The following CHRNB2 variants were observed in gnomAD, a reference collection of about 807,000 sequenced individuals.
CHRNB2 encodes cholinergic receptor nicotinic beta 2 subunit.
In CHRNB2, 33 loss-of-function variants were observed where a neutral mutation model predicts 42.7. That is an observed-to-expected ratio of 0.77 (90% CI 0.59 to 1.03). The LOEUF is 1.03. Among genes scored for constraint, CHRNB2 ranks in the 50% least tolerant of loss-of-function variants. The pLI is 0.00. For missense variants in CHRNB2, 603 were observed against 700.9 expected (o/e 0.86, Z 1.58); for synonymous variants, 325 against 292.9 (o/e 1.11, Z -1.12).
In CHRNB2 at chr1:154,571,486, C is replaced by T. The variant is rs765825095; in HGVS notation, c.663C>T (p.Tyr221=). 1.9e-6 allele frequency: 3 copies of T among 1,614,068 alleles called. No individual in the cohort carries two copies. Among genetic ancestry groups the T allele is most frequent in the Admixed American group, 1.7e-5 (1 of 60,030 alleles). The change falls in exon 5 of 6, where the codon TAC becomes TAT. Residue 221 remains tyrosine (Y), a synonymous_variant. Transcript: ENST00000368476. This position sits in a 1 kb window ranked among gnomAD's most constrained non-coding sequence, Gnocchi z 6.8. ...ACGAGAACCCCGACGACTCTACGTA[C>T]GTGGACATCACGTATGACTTCATCA... ...RRNENPDDST[Y]VDITYDFIIR...
chr1:154,575,950 A>C lies in CHRNB2; in HGVS notation c.*18A>C. 6.2e-7 allele frequency: 1 copy of C among 1,613,704 alleles called. No homozygotes were observed. Among genetic ancestry groups the C allele is most frequent in the South Asian group, 1.1e-5 (1 of 91,074 alleles). ...CCAAGTGAGGCCCTTCCTCATCTCC[A>C]TGCTCTTTCACCCTGCCACCCTCTG... is the stretch of plus-strand genomic sequence containing the variant. On this transcript the variant is annotated 3_prime_UTR_variant, in exon 6 of 6. Coordinates refer to ENST00000368476, the MANE Select transcript of CHRNB2 (RefSeq NM_000748.3).
At position 154,575,798 on chromosome 1, in the gene CHRNB2, G is replaced by A. The variant is rs140505576; in HGVS notation, c.1375G>A (p.Asp459Asn). 9.3e-6 allele frequency: 15 copies of A among 1,613,942 alleles called. No individual in the cohort carries two copies. Among genetic ancestry groups the A allele is most frequent in the African/African-American group, 5.3e-5 (4 of 74,870 alleles). ...EDWKYVAMVI[D>N]RLFLWIFVFV... ...CTGGAAGTACGTCGCCATGGTGATCGACCGCCTCTTCCTCTGGATCTTTGT... is the reference window on the plus strand; with the variant it reads ...CTGGAAGTACGTCGCCATGGTGATCAACCGCCTCTTCCTCTGGATCTTTGT... The change falls in exon 6 of 6, where the codon GAC becomes AAC. Residue 459 changes from aspartate (D) to asparagine (N), a missense_variant. This residue lies in a region of CHRNB2 where 270 missense variants were observed against 248.3 expected (regional missense o/e 1.09). Coordinates refer to ENST00000368476, the MANE Select transcript of CHRNB2 (RefSeq NM_000748.3).
rs1164999292 is a variant in CHRNB2 at position 154,568,111 on chromosome 1, A to G, written c.64+3A>G. On this transcript the variant is annotated splice_donor_region_variant and intron_variant, in intron 1 of 5. Transcript: ENST00000368476. ...CGGCCTCCTCCGGCTGTGCTCAGGT[A>G]AGGGAAAGACGGGCACTGGCCAGGT... 11 of 1,600,722 alleles carry G rather than the reference A, an allele frequency of 6.9e-6. No individual in the cohort carries two copies. The East Asian group carries it at 2.5e-4, about 36-fold the overall frequency.
rs753331644 is a variant in CHRNB2 at position 154,571,233 on chromosome 1, T to G, written c.410T>G (p.Val137Gly). ...GTGTCCTTCTATTCCAATGCCGTGGTCTCCTATGATGGCAGCATCTTCTGG... is the reference window on the plus strand; with the variant it reads ...GTGTCCTTCTATTCCAATGCCGTGGGCTCCTATGATGGCAGCATCTTCTGG... The part of the protein sequence containing the change: ...YEVSFYSNAV[V>G]SYDGSIFWLP... Residue 137 changes from valine to glycine, a missense_variant, in exon 5 of 6, where the codon GTC becomes GGC. Val to Gly is a moderately radical substitution (Grantham distance 109). Around this residue, in one of 2 missense-constraint regions of CHRNB2, gnomAD observed 333 missense variants for 452.6 expected, o/e 0.74. Coordinates refer to ENST00000368476, the MANE Select transcript of CHRNB2 (RefSeq NM_000748.3). The surrounding 1 kb of genome is among the most constrained non-coding windows in gnomAD (Gnocchi z 6.8). The G allele has an allele frequency of 6.2e-7, 1 of 1,614,140 alleles. No individual in the cohort carries two copies. Among genetic ancestry groups the G allele is most frequent in the Non-Finnish European group, 8.5e-7 (1 of 1,180,032 alleles).
rs959229019 is a variant in CHRNB2, at chr1:154,577,950, G to A, written c.*2018G>A. 1 of 152,250 alleles carries A rather than the reference G, an allele frequency of 6.6e-6. No individual in the cohort carries two copies. The highest frequency in any genetic ancestry group is 2.4e-5 in the African/African-American group (1 of 41,438). 9.4% of individuals were successfully genotyped at this position (152,250 alleles called of 1,614,324 possible). On this transcript the variant is annotated 3_prime_UTR_variant, in exon 6 of 6. Transcript: ENST00000368476. ...TACTGGCTGTGGAAGCCTATCACTG[G>A]GACAGGAAGCCAGTGGCTGCAGGAG...
intron 4 of CHRNB2, 143 bp downstream of exon 4, chr1:154,570,510 C>T (rs1696142831): frequency 6.0e-6 from 4 of 666,876 alleles, no homozygotes; most frequent in Non-Finnish European, 8.1e-6. Flanking sequence ...ACAGACAGAC[C>T]CAGACCAGTG....
chr1:154,567,981 G>A lies in CHRNB2; in HGVS notation c.-64G>A, dbSNP rs1348133941. 6 of 1,426,502 alleles carry A rather than the reference G, an allele frequency of 4.2e-6. No individual in the cohort carries two copies. In the Admixed American group the frequency reaches 1.7e-4, roughly 39 times the overall value. The allele number at this position is 1,426,502 out of a possible 1,614,324, so 88.4% of individuals were successfully genotyped here. A position where few individuals can be genotyped will look rare whatever the true frequency, so the allele number is the denominator to read the frequency against. On this transcript the variant is annotated 5_prime_UTR_variant, in exon 1 of 6. Coordinates refer to ENST00000368476, the MANE Select transcript of CHRNB2 (RefSeq NM_000748.3). ...CAGCACCACGGACAGCGCCCCACCC[G>A]CGGCCCTCCCCCCGGCGGCGCGCTC...
rs1023981720 is a variant in CHRNB2 at position 154,572,215 on chromosome 1, C to T, written c.1338+54C>T. On this transcript the variant is annotated intron_variant, in intron 5 of 5. Coordinates refer to ENST00000368476, the MANE Select transcript of CHRNB2 (RefSeq NM_000748.3). Reference sequence around the variant, plus strand: ...GTGAGATATGGGGTCTGCCAGGGCCCGGGTATCTGGAAAGCAGCGGCGTTC... The same window carrying T: ...GTGAGATATGGGGTCTGCCAGGGCCTGGGTATCTGGAAAGCAGCGGCGTTC... The T allele has an allele frequency of 1.1e-5, 17 of 1,532,786 alleles. No individual in the cohort carries two copies. The African/African-American group carries it at 1.4e-4, about 12-fold the overall frequency. The allele number at this position is 1,532,786 out of a possible 1,614,324, so 94.9% of individuals were successfully genotyped here. A position where few individuals can be genotyped will look rare whatever the true frequency, so the allele number is the denominator to read the frequency against.
rs1696186268 is a variant in CHRNB2, at chr1:154,572,170, C to T, written c.1338+9C>T. ...AGGACGATGACCAGAGCGTGAGTGC[C>T]GCAGGCTGGGACCCCGGGCGTGAGA... On this transcript the variant is annotated intron_variant, in intron 5 of 5. Transcript: ENST00000368476. The T allele has an allele frequency of 2.0e-6, 3 of 1,536,376 alleles. No homozygotes were observed. The highest frequency in any genetic ancestry group is 2.0e-5 in the Admixed American group (1 of 50,908).
In CHRNB2 at chr1:154,571,764, C is replaced by T; in HGVS notation, c.941C>T (p.Thr314Ile). The T allele has an allele frequency of 6.2e-7, 1 of 1,614,208 alleles. No individual in the cohort carries two copies. The highest frequency in any genetic ancestry group is 8.5e-7 in the Non-Finnish European group (1 of 1,180,038). The change falls in exon 5 of 6, where the codon ACC becomes ATC. Residue 314 changes from threonine (T) to isoleucine (I), a missense_variant. By Grantham distance (89) the Thr-to-Ile change is moderately conservative. Transcript: ENST00000368476. This position sits in a 1 kb window ranked among gnomAD's most constrained non-coding sequence, Gnocchi z 6.8. ...TMVLVTFSIV[T>I]SVCVLNVHHR... ...GTGCTTGTCACCTTCTCCATCGTCA[C>T]CAGCGTGTGCGTGCTCAACGTGCAC...
chr1:154,574,782 C>T (rs1696240207), intron 5 of CHRNB2, among the ~76,000 whole-genome samples: 1 of 152,206 alleles, frequency 6.6e-6, no homozygotes, highest in Admixed American at 6.5e-5. Flanking sequence ...CAGTGTGTAG[C>T]ATGGTGCCAG....
In CHRNB2 at chr1:154,568,269, A is replaced by C. The variant is rs571142879; in HGVS notation, c.64+161A>C. 2.0e-5 allele frequency among the ~76,000 whole-genome samples: 3 copies of C among 147,968 alleles called. No homozygotes were observed. The East Asian group carries it at 5.8e-4, about 29-fold the overall frequency. ...TTAGGGGAGAGCCCCCCGGGACTGC[A>C]GAGAGCACCTGGGAGGCTGGACTGG... On this transcript the variant is annotated intron_variant, in intron 1 of 5. Coordinates refer to ENST00000368476, the MANE Select transcript of CHRNB2 (RefSeq NM_000748.3).
chr1:154,576,037 C>A lies in CHRNB2; in HGVS notation c.*105C>A. The A allele has an allele frequency of 7.0e-7, 1 of 1,422,162 alleles. No individual in the cohort carries two copies. Among genetic ancestry groups the A allele is most frequent in the Non-Finnish European group, 9.8e-7 (1 of 1,016,038 alleles). The allele number at this position is 1,422,162 out of a possible 1,614,324, so 88.1% of individuals were successfully genotyped here. On this transcript the variant is annotated 3_prime_UTR_variant, in exon 6 of 6. Coordinates refer to ENST00000368476, the MANE Select transcript of CHRNB2 (RefSeq NM_000748.3). Reference sequence around the variant, plus strand: ...GCTACCAGGAAGAGGGGCGCTGCCCCCACAGATCCATCCTTTTGCTTCATC... The same window carrying A: ...GCTACCAGGAAGAGGGGCGCTGCCCACACAGATCCATCCTTTTGCTTCATC...
chr1:154,571,265 C>T lies in CHRNB2; in HGVS notation c.442C>T (p.Pro148Ser). 1.2e-6 allele frequency: 2 copies of T among 1,614,218 alleles called. No homozygotes were observed. The highest frequency in any genetic ancestry group is 1.7e-6 in the Non-Finnish European group (2 of 1,180,044). The change falls in exon 5 of 6, where the codon CCT (proline) becomes TCT (serine). Residue 148 changes from proline to serine, a missense_variant. Transcript: ENST00000368476. This position sits in a 1 kb window ranked among gnomAD's most constrained non-coding sequence, Gnocchi z 6.8. ...TGATGGCAGCATCTTCTGGCTGCCG[C>T]CTGCCATCTACAAGAGCGCATGCAA... is the stretch of plus-strand genomic sequence containing the variant. ...SYDGSIFWLP[P>S]AIYKSACKIE...
intron 4 of CHRNB2, 149 bp downstream of exon 4, chr1:154,570,516 C>A: frequency 1.5e-6 from 1 of 655,682 alleles, no homozygotes; most frequent in Non-Finnish European, 2.7e-6. Flanking sequence ...AGACCCAGAC[C>A]AGTGAGGTAC....
At position 154,571,276 on chromosome 1, in the gene CHRNB2, C is replaced by T. The variant is rs781506269; in HGVS notation, c.453C>T (p.Tyr151=). 3.1e-6 allele frequency: 5 copies of T among 1,614,112 alleles called. No homozygotes were observed. Among genetic ancestry groups the T allele is most frequent in the Admixed American group, 3.3e-5 (2 of 60,018 alleles). ...GSIFWLPPAI[Y]KSACKIEVKH... ...TCTTCTGGCTGCCGCCTGCCATCTA[C>T]AAGAGCGCATGCAAGATTGAAGTAA... Residue 151 remains tyrosine (Y), a synonymous_variant, in exon 5 of 6, where the codon TAC becomes TAT. Coordinates refer to ENST00000368476, the MANE Select transcript of CHRNB2 (RefSeq NM_000748.3). This position sits in a 1 kb window ranked among gnomAD's most constrained non-coding sequence, Gnocchi z 6.8.
At chr1:154,574,895 A>C (rs948260379) in intron 5 of CHRNB2, among the ~76,000 whole-genome samples, 1 of 152,226 alleles carries the variant, frequency 6.6e-6, no homozygotes, top group Non-Finnish European at 1.5e-5. Flanking sequence ...GCCTGGCTCC[A>C]GATAAACACG....
intron 3 of CHRNB2, 51 bp from the exon 4 acceptor site, chr1:154,570,207 G>A: frequency 7.8e-7 from 1 of 1,284,210 alleles, no homozygotes. Flanking sequence ...CCTTAACCTT[G>A]AGCCCCACCC....
rs1020953003 is a variant in CHRNB2, at chr1:154,572,022, C to A, written c.1199C>A (p.Ala400Asp). 3.3e-6 allele frequency: 5 copies of A among 1,533,488 alleles called. No individual in the cohort carries two copies. Among genetic ancestry groups the A allele is most frequent in the Non-Finnish European group, 4.4e-6 (5 of 1,144,816 alleles). The allele number at this position is 1,533,488 out of a possible 1,614,324, so 95.0% of individuals were successfully genotyped here. A position where few individuals can be genotyped will look rare whatever the true frequency, so the allele number is the denominator to read the frequency against. Residue 400 changes from alanine to aspartate, a missense_variant, in exon 5 of 6, where the codon GCC (alanine) becomes GAC (aspartate). Ala to Asp is a moderately radical substitution (Grantham distance 126). Around this residue, in one of 2 missense-constraint regions of CHRNB2, gnomAD observed 270 missense variants for 248.3 expected, o/e 1.09. Transcript: ENST00000368476. Reference protein sequence around the residue: ...FVNRASVQGLAGAFGAEPAPV... With the variant: ...FVNRASVQGLDGAFGAEPAPV... ...AACCGCGCGTCGGTGCAGGGGTTGGCCGGGGCCTTCGGGGCTGAGCCTGCA... is the reference window on the plus strand; with the variant it reads ...AACCGCGCGTCGGTGCAGGGGTTGGACGGGGCCTTCGGGGCTGAGCCTGCA...
Sources: gnomAD v4.1 joint callset for allele counts (sites outside exome capture counted in the v4.1 genomes callset) on GRCh38, gnomAD v4.1.1 for gene constraint, gnomAD v4.1.1 regional missense constraint, Gnocchi (gnomAD v3.1) non-coding constraint, MANE v1.5 for transcripts, NCBI Gene and HGNC (gene_info 2026-07-23, HGNC 2026-07-21) for gene names.